Variants in F13B observed in about 807,000 individuals in gnomAD.
F13B encodes the protein TGase.
Under a neutral mutation model 79.8 loss-of-function variants are expected in F13B, and 58 were observed. The ratio of observed to expected loss-of-function variants is 0.73; its 90% confidence interval spans 0.59 to 0.90. F13B has a LOEUF of 0.90. Ranked by LOEUF, F13B falls within the 40% of genes least tolerant of loss-of-function variation. The pLI is 0.00. For synonymous variants in F13B, 283 were observed against 260.3 expected, an observed-to-expected ratio of 1.09 and a Z score of -0.84; for missense variants, 773 against 777.0, an observed-to-expected ratio of 0.99 and a Z score of 0.06.
At chr1:197,062,731 A>G (rs376627262) in intron 2 of F13B, 126 bp downstream of exon 2, 5 of 821,348 alleles carry the variant, frequency 6.1e-6, no homozygotes, top group East Asian at 4.9e-5. Context: ...AGAAAGACAG[A>G]TTGCTAGTGA....
At chr1:197,042,665 A>G (rs1655081551) in intron 10 of F13B, among the ~76,000 whole-genome samples, 1 of 145,534 alleles carries the variant, frequency 6.9e-6, no homozygotes, top group Admixed American at 7.2e-5. Flanking sequence ...CAAAAAAAAA[A>G]AAAAAATAGC....
At chr1:197,047,721 G>A (rs1228526589) in intron 10 of F13B, among the ~76,000 whole-genome samples, 2 of 152,130 alleles carry the variant, frequency 1.3e-5, no homozygotes, top group Non-Finnish European at 2.9e-5. Context: ...ATTCACAATA[G>A]CAAAACTTGG....
At chr1:197,040,158 G>A (rs1654983203) in intron 11 of F13B, 1 of 187,834 alleles carries the variant, frequency 5.3e-6, no homozygotes, top group Non-Finnish European at 1.1e-5. Flanking sequence ...ACCTTTATTA[G>A]TAGTGCTTGA....
intron 10 of F13B, among the ~76,000 whole-genome samples, chr1:197,044,804 C>G (rs186355509): frequency 1.3e-5 from 2 of 152,276 alleles, no homozygotes; most frequent in East Asian, 3.9e-4. Context: ...TCACAACAAA[C>G]TGTCTCTCAG....
Position 197,060,507 on chromosome 1 carries a change from C to G in F13B, c.664G>C (p.Gly222Arg), listed in dbSNP as rs1430624762. 4 of 1,599,298 alleles carry G rather than the reference C, an allele frequency of 2.5e-6. No individual in the cohort carries two copies. The highest frequency in any genetic ancestry group is 3.4e-6 in the Non-Finnish European group (4 of 1,171,522). The change falls in exon 5 of 12, where the codon GGT becomes CGT. Residue 222 changes from glycine (G) to arginine (R), a missense_variant. Coordinates refer to ENST00000367412, the MANE Select transcript of F13B (RefSeq NM_001994.3). Reference sequence around the variant, plus strand: ...GTTTGCTTTACAGGATGAAAATAACCATTTTCAATTAATCTTAAAGAAGAG... The same window carrying G: ...GTTTGCTTTACAGGATGAAAATAACGATTTTCAATTAATCTTAAAGAAGAG... Reference protein sequence around the residue: ...KCSSLRLIENGYFHPVKQTYE... With the variant: ...KCSSLRLIENRYFHPVKQTYE...
chr1:197,053,631 A>G (rs1655531103), intron 8 of F13B, among the ~76,000 whole-genome samples: 1 of 152,088 alleles, frequency 6.6e-6, no homozygotes. Context: ...GAACAGACTA[A>G]CACAGTGGCC....
Position 197,067,143 on chromosome 1 carries a change from T to A in F13B, c.64+17A>T, listed in dbSNP as rs201705097. On this transcript the variant is annotated intron_variant, in intron 1 of 11. Transcript: ENST00000367412. ...TGTATGTTTTAGAGAATAAAGAATA[T>A]TAAGAATTAATTTTACCTTCTGCAT... 861 of 1,469,692 alleles carry A rather than the reference T, an allele frequency of 5.9e-4. No homozygotes were observed. Among genetic ancestry groups the A allele is most frequent in the Non-Finnish European group, 7.1e-4 (744 of 1,051,922 alleles). 91.0% of individuals were successfully genotyped at this position (1,469,692 alleles called of 1,614,324 possible).
Position 197,060,982 on chromosome 1 carries a change from G to T in F13B, c.545C>A (p.Thr182Asn), listed in dbSNP as rs1342220634. 1 of 1,612,056 alleles carries T rather than the reference G, an allele frequency of 6.2e-7. No homozygotes were observed. Among genetic ancestry groups the T allele is most frequent in the African/African-American group, 1.3e-5 (1 of 74,976 alleles). ...VKDKVQYECATGYYTAGGKKT... is the reference protein window; with the variant it reads ...VKDKVQYECANGYYTAGGKKT... ...CTTTCCTCCAGCTGTGTAGTAGCCA[G>T]TAGCACATTCGTATTGTACTTTGTC... The change falls in exon 4 of 12, where the codon ACT becomes AAT. Residue 182 changes from threonine (T) to asparagine (N), a missense_variant. Thr to Asn is a moderately conservative substitution (Grantham distance 65). Coordinates refer to ENST00000367412, the MANE Select transcript of F13B (RefSeq NM_001994.3).
chr1:197,058,936 A>C (rs1655744492), intron 5 of F13B, among the ~76,000 whole-genome samples: 1 of 152,124 alleles, frequency 6.6e-6, no homozygotes, highest in Non-Finnish European at 1.5e-5. Context: ...AAAAGGCCTT[A>C]AGTAGGTCTG....
intron 11 of F13B, among the ~76,000 whole-genome samples, 189 bp from the exon 12 acceptor site, chr1:197,039,600 T>G (rs1654962973): frequency 6.6e-6 from 1 of 152,086 alleles, no homozygotes; most frequent in Admixed American, 6.6e-5. Flanking sequence ...TTTACTACAC[T>G]ACTCATGATT....
chr1:197,050,151 T>TGAA (rs1243469123), intron 10 of F13B, among the ~76,000 whole-genome samples: 3 of 152,134 alleles, frequency 2.0e-5, no homozygotes, highest in Admixed American at 2.0e-4. Flanking sequence ...ACTGAAGTCC[T>TGAA]AGCCAGTGAA....
In F13B at chr1:197,067,177, C is replaced by T; in HGVS notation, c.47G>A (p.Gly16Glu). 4 of 1,601,524 alleles carry T rather than the reference C, an allele frequency of 2.5e-6. No homozygotes were observed. Among genetic ancestry groups the T allele is most frequent in the South Asian group, 2.2e-5 (2 of 90,644 alleles). Reference sequence around the variant, plus strand: ...AATTTTACCTTCTGCATAGAGTTCTCCTGAGATTATCAATATGATGATAAA... The same window carrying T: ...AATTTTACCTTCTGCATAGAGTTCTTCTGAGATTATCAATATGATGATAAA... ...LTFIIILIIS[G>E]ELYAEEKPCG... is the part of the protein sequence containing the mutation. The change falls in exon 1 of 12, where the codon GGA becomes GAA. Residue 16 changes from glycine (G) to glutamate (E), a missense_variant. Transcript: ENST00000367412.
At position 197,038,842 on chromosome 1, in the gene F13B, G is replaced by A. The variant is rs370230876; in HGVS notation, c.*536C>T. 2.0e-5 allele frequency among the ~76,000 whole-genome samples: 3 copies of A among 151,822 alleles called. No homozygotes were observed. The highest frequency in any genetic ancestry group is 6.6e-5 in the Admixed American group (1 of 15,236). On this transcript the variant is annotated 3_prime_UTR_variant, in exon 12 of 12. Coordinates refer to ENST00000367412, the MANE Select transcript of F13B (RefSeq NM_001994.3). ...CCTCATAAACAATTTGGTTATTAAC[G>A]TTGTAGCAAATATTACAGTTAATTT... is the stretch of plus-strand genomic sequence containing the variant.
chr1:197,063,897 T>C (rs1350794594), intron 1 of F13B, among the ~76,000 whole-genome samples: 1 of 152,122 alleles, frequency 6.6e-6, no homozygotes, highest in Non-Finnish European at 1.5e-5. Context: ...TATTGGACAG[T>C]ACAGTTCAGG....
chr1:197,060,259 G>A (rs1462782596), intron 5 of F13B, 107 bp downstream of exon 5: 2 of 726,870 alleles, frequency 2.8e-6, no homozygotes, highest in African/African-American at 1.8e-5. Context: ...TTAAAAATAG[G>A]ACTCAGGAAA....
intron 8 of F13B, among the ~76,000 whole-genome samples, chr1:197,055,293 A>G (rs1279366958): frequency 6.6e-6 from 1 of 152,018 alleles, no homozygotes; most frequent in Non-Finnish European, 1.5e-5. Context: ...TACTCTATAT[A>G]ATATACTCTA....
chr1:197,057,035 C>A lies in F13B; in HGVS notation c.1149G>T (p.Trp383Cys). The A allele has an allele frequency of 6.2e-7, 1 of 1,613,656 alleles. No homozygotes were observed. Among genetic ancestry groups the A allele is most frequent in the Non-Finnish European group, 8.5e-7 (1 of 1,179,850 alleles). ...SNEITCNRGK[W>C]TLPPECVENN... is the part of the protein sequence containing the mutation. ...TACCAACACACTCAGGAGGAAGTGTCCATTTTCCACGATTACAAGTTATCT... is the reference window on the plus strand; with the variant it reads ...TACCAACACACTCAGGAGGAAGTGTACATTTTCCACGATTACAAGTTATCT... Residue 383 changes from tryptophan (W) to cysteine (C), a missense_variant, in exon 7 of 12, where the codon TGG becomes TGT. Physicochemically the swap from Trp to Cys is radical, Grantham distance 215. Transcript: ENST00000367412.
At chr1:197,062,043 A>C (rs1450137591) in intron 2 of F13B, 74 bp from the exon 3 acceptor site, 2 of 1,298,372 alleles carry the variant, frequency 1.5e-6, no homozygotes, top group African/African-American at 2.9e-5. Flanking sequence ...AATTAAGCCA[A>C]AAGTATAATG....
chr1:197,059,251 T>TA (rs1655757792), intron 5 of F13B, among the ~76,000 whole-genome samples: 1 of 152,020 alleles, frequency 6.6e-6, no homozygotes, highest in Non-Finnish European at 1.5e-5. Flanking sequence ...TAATAGACTT[T>TA]AAAAAAATTT....
Sources: allele counts gnomAD v4.1 joint callset (sites outside exome capture counted in the v4.1 genomes callset), GRCh38; gene constraint gnomAD v4.1.1; transcripts MANE v1.5; gene names NCBI Gene and HGNC (gene_info 2026-07-23, HGNC 2026-07-21).